KCNAB2: variants seen among roughly 807,000 people sequenced by gnomAD.
KCNAB2 encodes the protein voltage-gated potassium channel subunit beta-2.
In KCNAB2, 29 loss-of-function variants were observed where a neutral mutation model predicts 63.6. The ratio of observed to expected loss-of-function variants is 0.46; its 90% CI spans 0.34 to 0.62. KCNAB2 has a LOEUF of 0.62. Among genes scored for constraint, KCNAB2 ranks in the 20% least tolerant of loss-of-function variants. KCNAB2 has a pLI of 0.01. For missense variants in KCNAB2, 359 were observed against 563.9 expected, an observed-to-expected ratio of 0.64 and a Z score of 3.68; for synonymous variants, 222 against 224.2, an observed-to-expected ratio of 0.99 and a Z score of 0.09.
intron 4 of KCNAB2, 109 bp from the exon 5 acceptor site, chr1:6,082,086 G>A: frequency 2.3e-6 from 2 of 873,768 alleles, no homozygotes; most frequent in South Asian, 1.4e-5. Context: ...TCGGGCCCGG[G>A]AGGGCAGGGC....
Position 6,086,848 on chromosome 1 carries a change from GC to G in KCNAB2, c.426-613del, listed in dbSNP as rs1207208113. 2.6e-5 allele frequency among the ~76,000 whole-genome samples: 4 copies of G among 151,360 alleles called. No individual in the cohort carries two copies. Among genetic ancestry groups the G allele is most frequent in the Admixed American group, 6.6e-5 (1 of 15,200 alleles). ...CTATGCCTCCCCTCCCTCCTTTGGT[GC>G]CCCCCAAGTTACCCCGACCAGGCCG... On this transcript the variant is annotated intron_variant, in intron 6 of 15. Coordinates refer to ENST00000378083, the MANE Select transcript of KCNAB2 (RefSeq NM_001199862.2). The surrounding 1 kb of genome is among the most constrained non-coding windows in gnomAD (Gnocchi z 4.2).
rs886917040 is a variant in KCNAB2, at chr1:6,086,588, G to A, written c.426-879G>A. ...CACCAGGAGGTCATTGTCACCCCCT[G>A]GGTGGGAAGTACTCCCTCCTCTGGG... On this transcript the variant is annotated intron_variant, in intron 6 of 15. Transcript: ENST00000378083. This position sits in a 1 kb window ranked among gnomAD's most constrained non-coding sequence, Gnocchi z 4.2. Among the ~76,000 whole-genome samples the A allele has an allele frequency of 6.6e-6, 1 of 152,112 alleles. No individual in the cohort carries two copies. The highest frequency in any genetic ancestry group is 2.4e-5 in the African/African-American group (1 of 41,430).
At chr1:6,065,254 C>A (rs1416486772) in intron 2 of KCNAB2, among the ~76,000 whole-genome samples, 1 of 152,250 alleles carries the variant, frequency 6.6e-6, no homozygotes, top group Non-Finnish European at 1.5e-5. Context: ...GCAGCGCCTG[C>A]CCAGGCCTCA....
chr1:6,061,057 C>T (rs1662273731), intron 2 of KCNAB2, among the ~76,000 whole-genome samples: 1 of 152,244 alleles, frequency 6.6e-6, no homozygotes, highest in Admixed American at 6.5e-5. Flanking sequence ...GCTTTCCAGC[C>T]TCTCCAGGCC....
At chr1:6,081,481 T>C (rs1269691781) in intron 4 of KCNAB2, among the ~76,000 whole-genome samples, 1 of 152,222 alleles carries the variant, frequency 6.6e-6, no homozygotes, top group African/African-American at 2.4e-5. Context: ...TGCCTTGGTT[T>C]CCTAGGACTG....
upstream of KCNAB2, among the ~76,000 whole-genome samples, chr1:6,044,075 A>G (rs768609172): frequency 3.2e-4 from 48 of 152,128 alleles, no homozygotes; most frequent in Admixed American, 1.2e-3. Context: ...CTTACGGCCT[A>G]TGGTTGGGGT....
rs1663027419 is a variant in KCNAB2, at chr1:6,069,569, A to AT, written c.219-3184dup. ...TTTCGAGATGTTGACCACCTGCTTC[A>AT]TTAGGATGTCAGGTTTCAACGATGG... On this transcript the variant is annotated intron_variant, in intron 2 of 15. Coordinates refer to ENST00000378083, the MANE Select transcript of KCNAB2 (RefSeq NM_001199862.2). The surrounding 1 kb of genome is among the most constrained non-coding windows in gnomAD (Gnocchi z 5.4). Among the ~76,000 whole-genome samples the AT allele has an allele frequency of 6.6e-6, 1 of 152,162 alleles. No individual in the cohort carries two copies. The highest frequency in any genetic ancestry group is 2.4e-5 in the African/African-American group (1 of 41,442).
At chr1:6,088,960 G>T in intron 7 of KCNAB2, 48 bp from the exon 8 acceptor site, 1 of 1,535,618 alleles carries the variant, frequency 6.5e-7, no homozygotes, top group Non-Finnish European at 8.8e-7. Flanking sequence ...GAGGGGCCAG[G>T]GTGCCAAAAC....
At chr1:6,023,954 T>C (rs1658991084) in intron 1 of KCNAB2, among the ~76,000 whole-genome samples, 1 of 143,684 alleles carries the variant, frequency 7.0e-6, no homozygotes, top group African/African-American at 2.5e-5. Flanking sequence ...TTTTTTTTTT[T>C]TCGAGATGGA....
intron 6 of KCNAB2, chr1:6,085,937 G>A (rs1397535935): frequency 4.1e-6 from 4 of 985,316 alleles, no homozygotes; most frequent in African/African-American, 3.5e-5. Flanking sequence ...CGGTCCCCGG[G>A]TGTGATGGAG....
At chr1:6,089,631 C>G (rs1261597817) in intron 8 of KCNAB2, among the ~76,000 whole-genome samples, 1 of 152,264 alleles carries the variant, frequency 6.6e-6, no homozygotes, top group African/African-American at 2.4e-5. Context: ...GCGTTTCACT[C>G]TGCCGGCTGT....
chr1:6,097,213 C>A, intron 14 of KCNAB2, 56 bp from the exon 15 acceptor site: 2 of 1,494,508 alleles, frequency 1.3e-6, no homozygotes, highest in Non-Finnish European at 1.8e-6. Flanking sequence ...AAGGCAGACC[C>A]ATCAGGGGCC....
rs1657388451 is a variant in KCNAB2 at position 6,003,628 on chromosome 1, A to G, written c.-53+10840A>G. ...GCATCTCGCTTTATTTCCTCTCTTGAACTATTAGGATAAAGTCACAGAGGT... is the reference window on the plus strand; with the variant it reads ...GCATCTCGCTTTATTTCCTCTCTTGGACTATTAGGATAAAGTCACAGAGGT... On this transcript the variant is annotated intron_variant, in intron 1 of 16. Transcript: ENST00000341524. The surrounding 1 kb of genome is among the most constrained non-coding windows in gnomAD (Gnocchi z 4.1). Among the ~76,000 whole-genome samples the G allele has an allele frequency of 6.6e-6, 1 of 152,114 alleles. No homozygotes were observed. The highest frequency in any genetic ancestry group is 1.5e-5 in the Non-Finnish European group (1 of 68,036).
In KCNAB2 at chr1:6,035,584, C is replaced by T. The variant is rs1330362207; in HGVS notation, c.-53+790C>T. Reference sequence around the variant, plus strand: ...TGACTCCCGGGAGTGGGACTGACACCTGGGAGGGTGGGGAGCTCGTTACTC... The same window carrying T: ...TGACTCCCGGGAGTGGGACTGACACTTGGGAGGGTGGGGAGCTCGTTACTC... On this transcript the variant is annotated intron_variant, in intron 1 of 15. Coordinates refer to the KCNAB2 transcript ENST00000164247. The surrounding 1 kb of genome is among the most constrained non-coding windows in gnomAD (Gnocchi z 5.0). Among the ~76,000 whole-genome samples the T allele has an allele frequency of 6.6e-6, 1 of 151,908 alleles. No homozygotes were observed. Among genetic ancestry groups the T allele is most frequent in the Non-Finnish European group, 1.5e-5 (1 of 67,958 alleles).
At chr1:6,021,569 T>G (rs1353611345) in intron 1 of KCNAB2, among the ~76,000 whole-genome samples, 4 of 152,174 alleles carry the variant, frequency 2.6e-5, no homozygotes, top group Admixed American at 6.5e-5. Flanking sequence ...TACAGTTCAG[T>G]GGTATTGAGG....
rs1665902581 is a variant in KCNAB2, at chr1:6,099,658, C to T, written c.*1084C>T. Reference sequence around the variant, plus strand: ...GGTTTTGTGGAGCGCATGCTTGGACCCTTTCAGTAAGGAAGGGTCTTTGGG... The same window carrying T: ...GGTTTTGTGGAGCGCATGCTTGGACTCTTTCAGTAAGGAAGGGTCTTTGGG... On this transcript the variant is annotated 3_prime_UTR_variant, in exon 16 of 16. Transcript: ENST00000378083. 8.5e-7 allele frequency: 1 copy of T among 1,170,558 alleles called. No individual in the cohort carries two copies. The highest frequency in any genetic ancestry group is 1.7e-5 in the South Asian group (1 of 59,100). The allele number at this position is 1,170,558 out of a possible 1,614,324, so 72.5% of individuals were successfully genotyped here. A position where few individuals can be genotyped will look rare whatever the true frequency, so the allele number is the denominator to read the frequency against.
chr1:6,059,041 C>A (rs1662086019), intron 2 of KCNAB2, among the ~76,000 whole-genome samples: 1 of 152,174 alleles, frequency 6.6e-6, no homozygotes, highest in Non-Finnish European at 1.5e-5. Context: ...CCCTCCCCCA[C>A]AGGGCTGCTG....
At chr1:6,064,187 G>A (rs774193227) in intron 2 of KCNAB2, among the ~76,000 whole-genome samples, 2 of 152,184 alleles carry the variant, frequency 1.3e-5, no homozygotes, top group African/African-American at 2.4e-5. Context: ...TAGAAACGCC[G>A]CCTTCCGGGC....
intron 1 of KCNAB2, among the ~76,000 whole-genome samples, chr1:6,037,713 G>A (rs1428855449): frequency 3.3e-5 from 5 of 152,086 alleles, no homozygotes; most frequent in South Asian, 4.1e-4. Flanking sequence ...AGCAAAATGC[G>A]TGAGCTGCTA....
Sources: gnomAD v4.1 joint callset for allele counts (sites outside exome capture counted in the v4.1 genomes callset) on GRCh38, gnomAD v4.1.1 for gene constraint, Gnocchi (gnomAD v3.1) non-coding constraint, MANE v1.5 for transcripts, NCBI Gene and HGNC (gene_info 2026-07-23, HGNC 2026-07-21) for gene names.